The following FDFT1 variants were observed in gnomAD, a reference collection of about 807,000 sequenced individuals.
The protein encoded by FDFT1 is farnesyl-diphosphate farnesyltransferase 1.
FDFT1 carries 68 observed loss-of-function variants against 46.8 expected under a neutral mutation model. The observed-to-expected ratio is 1.45, with a 90% CI of 1.19 to 1.78. The LOEUF (loss-of-function observed/expected upper bound fraction) is 1.78, where lower values mean the gene tolerates loss of function less well. Among genes scored for constraint, FDFT1 ranks in the 40% most tolerant of loss-of-function variants. The pLI is 0.00. For synonymous variants in FDFT1, 351 were observed against 185.1 expected (o/e 1.90, Z -7.28); for missense variants, 928 against 524.4 (o/e 1.77, Z -7.52).
upstream of FDFT1, among the ~76,000 whole-genome samples, chr8:11,800,019 T>A (rs908647947): frequency 7.5e-6 from 1 of 133,146 alleles, no homozygotes; most frequent in Non-Finnish European, 1.7e-5. Context: ...CCTAGCACTT[T>A]GGGAGGCCGA....
intron 3 of FDFT1, among the ~76,000 whole-genome samples, chr8:11,815,010 C>G (rs949764893): frequency 1.3e-5 from 2 of 152,074 alleles, no homozygotes; most frequent in Admixed American, 1.3e-4. Context: ...TAATGCTATC[C>G]CTCCCTTGGC....
At chr8:11,819,103 C>T (rs1194759009) in intron 3 of FDFT1, among the ~76,000 whole-genome samples, 3 of 152,302 alleles carry the variant, frequency 2.0e-5, no homozygotes, top group South Asian at 2.1e-4. Context: ...ATTTCTCCTT[C>T]ACTTGTGAAA....
At chr8:11,796,371 C>G (rs117800140) in intron 1 of FDFT1, among the ~76,000 whole-genome samples, 248 of 152,058 alleles carry the variant, frequency 1.6e-3, no homozygotes, top group Middle Eastern at 0.01. Context: ...TGTGAGGTGG[C>G]GAAACAGACA....
At chr8:11,807,752 TGAG>T (rs1490788244) in intron 1 of FDFT1, among the ~76,000 whole-genome samples, 3 of 152,178 alleles carry the variant, frequency 2.0e-5, no homozygotes, top group Non-Finnish European at 4.4e-5. Context: ...AAGGGAAAGA[TGAG>T]AAGACATCTT....
intron 7 of FDFT1, among the ~76,000 whole-genome samples, chr8:11,835,159 G>A (rs901821148): frequency 6.6e-6 from 1 of 152,142 alleles, no homozygotes; most frequent in Non-Finnish European, 1.5e-5. Flanking sequence ...ACTTTATGCC[G>A]GGCATGTAGA....
intron 1 of FDFT1, among the ~76,000 whole-genome samples, chr8:11,806,754 C>T (rs1287177209): frequency 1.3e-5 from 2 of 152,126 alleles, no homozygotes; most frequent in Non-Finnish European, 2.9e-5. Flanking sequence ...TATTCTGTTT[C>T]TTTCACTCTG....
chr8:11,799,007 C>T (rs544096771), upstream of FDFT1, among the ~76,000 whole-genome samples: 11 of 152,258 alleles, frequency 7.2e-5, no homozygotes, highest in South Asian at 1.2e-3. Context: ...GTTGGCTAAA[C>T]GTACATATTT....
intron 5 of FDFT1, among the ~76,000 whole-genome samples, chr8:11,827,350 TAAAAC>T (rs751090099): frequency 2.6e-5 from 4 of 152,008 alleles, no homozygotes; most frequent in Non-Finnish European, 2.9e-5. Flanking sequence ...GTAGAAAAAA[TAAAAC>T]TAAATTTAAA....
At chr8:11,823,280 T>C (rs996453526) in intron 4 of FDFT1, among the ~76,000 whole-genome samples, 5 of 152,162 alleles carry the variant, frequency 3.3e-5, no homozygotes, top group Admixed American at 2.6e-4. Context: ...TCTTCTACTT[T>C]GGGGGAAGAT....
chr8:11,822,000 C>CCTAAACAGATGAAT, intron 4 of FDFT1, 122 bp downstream of exon 4: 1 of 1,170,004 alleles, frequency 8.5e-7, no homozygotes, highest in Non-Finnish European at 1.2e-6. Context: ...TACAATTCAT[C>CCTAAACAGATGAAT]TGTTTAGGTT....
rs1170354164 is a variant in FDFT1 at position 11,795,761 on chromosome 8, C to T, written c.-344C>T. The T allele has an allele frequency of 3.3e-5, 5 of 152,248 alleles. No homozygotes were observed. The East Asian group carries it at 9.6e-4, about 29-fold the overall frequency. The allele number at this position is 152,248 out of a possible 1,614,324, so 9.4% of individuals were successfully genotyped here. Reference sequence around the variant, plus strand: ...ACCCACTGGGAGAAACAAACAACTCCAGACGCGCCGACTTAAGAGCTGTAA... The same window carrying T: ...ACCCACTGGGAGAAACAAACAACTCTAGACGCGCCGACTTAAGAGCTGTAA... On this transcript the variant is annotated 5_prime_UTR_variant, in exon 1 of 8. Transcript: ENST00000538689.
chr8:11,802,994 C>T (rs541307652), intron 1 of FDFT1, 63 bp downstream of exon 1: 10 of 1,543,354 alleles, frequency 6.5e-6, no homozygotes, highest in African/African-American at 1.4e-5. Context: ...GCCTCAGGGC[C>T]TGAGCGGCCG....
chr8:11,826,463 C>CAA, intron 5 of FDFT1, among the ~76,000 whole-genome samples: 1 of 152,128 alleles, frequency 6.6e-6, no homozygotes, highest in Non-Finnish European at 1.5e-5. Flanking sequence ...GGTCTTTCTC[C>CAA]AAGTGGTGGA....
chr8:11,808,883 G>T lies in FDFT1; in HGVS notation c.189G>T (p.Gly63=), dbSNP rs1382784431. 6.2e-7 allele frequency: 1 copy of T among 1,613,632 alleles called. No homozygotes were observed. Among genetic ancestry groups the T allele is most frequent in the Admixed American group, 1.7e-5 (1 of 59,972 alleles). ...CAGCTGTTATCCAGGCGCTGGATGG[G>T]GAAATGCGGTGAGTGATGGAGGCAG... ...SFAAVIQALD[G]EMRNAVCIFY... The change falls in exon 2 of 8, where the codon GGG becomes GGT. Residue 63 remains glycine (G), a synonymous_variant. Coordinates refer to ENST00000220584, the MANE Select transcript of FDFT1 (RefSeq NM_004462.5).
intron 1 of FDFT1, chr8:11,808,300 A>C: frequency 8.2e-7 from 1 of 1,225,118 alleles, no homozygotes; most frequent in Non-Finnish European, 1.0e-6. Context: ...GGGTTCCCTT[A>C]GCGGCCAGTG....
At chr8:11,816,167 C>A (rs561410884) in intron 3 of FDFT1, among the ~76,000 whole-genome samples, 1 of 152,184 alleles carries the variant, frequency 6.6e-6, no homozygotes, top group Admixed American at 6.5e-5. Context: ...TGTCAAAGAT[C>A]AGATGGCTGT....
chr8:11,807,384 A>G (rs1006997736), intron 1 of FDFT1, among the ~76,000 whole-genome samples: 3 of 152,162 alleles, frequency 2.0e-5, no homozygotes, highest in Admixed American at 1.3e-4. Context: ...GCTGCCCTCA[A>G]ATTCCTGGGC....
intron 1 of FDFT1, among the ~76,000 whole-genome samples, chr8:11,805,135 T>C (rs908381356): frequency 6.6e-6 from 1 of 151,958 alleles, no homozygotes; most frequent in Non-Finnish European, 1.5e-5. Context: ...CAGGCTGGTC[T>C]TGAACTCCTG....
intron 6 of FDFT1, among the ~76,000 whole-genome samples, chr8:11,830,686 C>T (rs1810652309): frequency 6.6e-6 from 1 of 152,142 alleles, no homozygotes; most frequent in Admixed American, 6.5e-5. Context: ...AGGTTCTTTT[C>T]CTCACAGTTA....
Sources: gnomAD v4.1 joint callset for allele counts (sites outside exome capture counted in the v4.1 genomes callset) on GRCh38, gnomAD v4.1.1 for gene constraint, MANE v1.5 for transcripts, NCBI Gene and HGNC (gene_info 2026-07-23, HGNC 2026-07-21) for gene names.